Variants in PAX5 observed in about 807,000 individuals in gnomAD.
The protein encoded by PAX5 is paired box protein Pax-5.
A neutral mutation model predicts 43.7 loss-of-function variants in PAX5; 9 were observed. The observed-to-expected ratio is 0.21, with a 90% CI of 0.12 to 0.36. The LOEUF is 0.36. Ranked by LOEUF, PAX5 falls within the 10% of genes least tolerant of loss-of-function variation. The probability of loss-of-function intolerance (pLI) is 1.00; values close to 1 mark genes in which losing one functional copy is unlikely to be tolerated. For missense variants in PAX5, 383 were observed against 532.7 expected (o/e 0.72, Z 2.77); for synonymous variants, 228 against 214.3 (o/e 1.06, Z -0.56).
At chr9:36,864,068 C>T (rs773233361) in intron 8 of PAX5, among the ~76,000 whole-genome samples, 4 of 152,210 alleles carry the variant, frequency 2.6e-5, no homozygotes, top group South Asian at 2.1e-4. Flanking sequence ...GAGATTGCAC[C>T]GCTACATTCC....
At chr9:36,889,947 G>GC (rs1027109430) in intron 7 of PAX5, among the ~76,000 whole-genome samples, 2 of 144,230 alleles carry the variant, frequency 1.4e-5, no homozygotes, top group African/African-American at 5.1e-5. Context: ...CTAACGGGGG[G>GC]GGGGGGAATG....
chr9:36,941,433 C>T (rs978789897), intron 6 of PAX5, among the ~76,000 whole-genome samples: 1 of 152,194 alleles, frequency 6.6e-6, no homozygotes, highest in African/African-American at 2.4e-5. Flanking sequence ...TGAGAGCGTC[C>T]GTCTTGAGGG....
Position 36,851,716 on chromosome 9 carries a change from A to G in PAX5, c.1013-4787T>C, listed in dbSNP as rs7866164. On this transcript the variant is annotated intron_variant, in intron 8 of 9. Coordinates refer to ENST00000358127, the MANE Select transcript of PAX5 (RefSeq NM_016734.3). ...AGGCATGGTGGGGCCAGAGGAGGCAACTGCATGAGCAAAGGCAGGGAGGAG... is the reference window on the plus strand; with the variant it reads ...AGGCATGGTGGGGCCAGAGGAGGCAGCTGCATGAGCAAAGGCAGGGAGGAG... Among the ~76,000 whole-genome samples the G allele has an allele frequency of 4.4e-3, 675 of 152,348 alleles. 6 individuals carry two copies. The highest frequency in any genetic ancestry group is 0.015 in the African/African-American group (633 of 41,578).
At position 36,892,370 on chromosome 9, in the gene PAX5, C is replaced by G. The variant is rs571919870; in HGVS notation, c.911-10265G>C. Among the ~76,000 whole-genome samples the G allele has an allele frequency of 6.6e-5, 10 of 152,312 alleles. No homozygotes were observed. The South Asian group carries it at 2.1e-3, about 32-fold the overall frequency. On this transcript the variant is annotated intron_variant, in intron 7 of 9. Transcript: ENST00000358127. Reference sequence around the variant, plus strand: ...AGATGATAACAGTAACAATAACAACCAAAACAACAGCAACTATCCTTTACA... The same window carrying G: ...AGATGATAACAGTAACAATAACAACGAAAACAACAGCAACTATCCTTTACA...
intron 5 of PAX5, among the ~76,000 whole-genome samples, chr9:36,971,018 T>G (rs4880045): frequency 0.026 from 4,007 of 152,282 alleles, 107 homozygotes; most frequent in East Asian, 0.083. Flanking sequence ...ACTCTGCATG[T>G]CTGTCTGAAA....
chr9:36,964,003 G>A (rs11787948), intron 6 of PAX5, among the ~76,000 whole-genome samples: 29,805 of 152,116 alleles, frequency 0.2, 3,166 homozygotes, highest in Non-Finnish European at 0.22. Flanking sequence ...CTTTCTGGCC[G>A]GGTGCAGTGG....
intron 8 of PAX5, among the ~76,000 whole-genome samples, chr9:36,879,391 G>T (rs1199069286): frequency 6.6e-6 from 1 of 152,200 alleles, no homozygotes; most frequent in African/African-American, 2.4e-5. Flanking sequence ...TCCAGTGGGG[G>T]GCTGAGAGGA....
chr9:36,884,675 C>G lies in PAX5; in HGVS notation c.911-2570G>C, dbSNP rs553192770. Among the ~76,000 whole-genome samples, 9 of 152,298 alleles carry G rather than the reference C, an allele frequency of 5.9e-5. No homozygotes were observed. In the South Asian group the frequency reaches 1.9e-3, roughly 32 times the overall value. ...GACAGAGACATAAGAGGAATAAGCA[C>G]TGGGGGGCAGGGGGAAACCCAAGAT... On this transcript the variant is annotated intron_variant, in intron 7 of 9. Transcript: ENST00000358127.
intron 1 of PAX5, chr9:37,026,644 A>T: frequency 3.0e-6 from 4 of 1,350,574 alleles, no homozygotes; most frequent in Non-Finnish European, 3.9e-6. Context: ...CCCAGGGCGG[A>T]TAGGGAGCCT....
chr9:36,899,979 T>A (rs1828224046), intron 7 of PAX5, among the ~76,000 whole-genome samples: 1 of 152,236 alleles, frequency 6.6e-6, no homozygotes, highest in Non-Finnish European at 1.5e-5. Flanking sequence ...GGGAGATAAC[T>A]GGCTGGAAGA....
chr9:36,848,570 C>T (rs1563886837), intron 8 of PAX5, among the ~76,000 whole-genome samples: 1 of 152,158 alleles, frequency 6.6e-6, no homozygotes, highest in Non-Finnish European at 1.5e-5. Flanking sequence ...GAGCCTCCTC[C>T]TCCTCAGGTG....
intron 6 of PAX5, among the ~76,000 whole-genome samples, chr9:36,956,573 C>T (rs543075814): frequency 3.9e-5 from 6 of 152,180 alleles, no homozygotes; most frequent in East Asian, 1.9e-4. Context: ...GCAATTTGCC[C>T]AGTATTCCCT....
intron 5 of PAX5, among the ~76,000 whole-genome samples, chr9:36,986,347 C>T (rs999240010): frequency 1.2e-4 from 17 of 147,240 alleles, no homozygotes; most frequent in African/African-American, 4.2e-4. Flanking sequence ...CGCTGCGCCC[C>T]GGGCCCCGCC....
intron 7 of PAX5, among the ~76,000 whole-genome samples, chr9:36,907,804 T>C (rs10814471): frequency 0.23 from 35,457 of 152,138 alleles, 4,762 homozygotes; most frequent in East Asian, 0.51. Flanking sequence ...GAAGAACACA[T>C]ACCAAATCGC....
chr9:36,859,005 C>A (rs938399752), intron 8 of PAX5, among the ~76,000 whole-genome samples: 1 of 152,156 alleles, frequency 6.6e-6, no homozygotes, highest in African/African-American at 2.4e-5. Flanking sequence ...TTATGGAATG[C>A]CTCACCAAGT....
At chr9:36,869,875 A>ATGG (rs1825272286) in intron 8 of PAX5, among the ~76,000 whole-genome samples, 1 of 43,002 alleles carries the variant, frequency 2.3e-5, no homozygotes, top group Non-Finnish European at 4.9e-5. Flanking sequence ...TGGATGGATA[A>ATGG]ATGGATGGAT....
At chr9:36,891,969 CTG>C (rs1477652543) in intron 7 of PAX5, among the ~76,000 whole-genome samples, 1 of 152,192 alleles carries the variant, frequency 6.6e-6, no homozygotes, top group African/African-American at 2.4e-5. Context: ...CACTCCAATA[CTG>C]TGTTTCAATT....
intron 7 of PAX5, among the ~76,000 whole-genome samples, chr9:36,896,002 G>A (rs909492852): frequency 1.3e-5 from 2 of 152,050 alleles, no homozygotes; most frequent in East Asian, 1.9e-4. Flanking sequence ...CTGTGCCCTC[G>A]GGCAGGTCCC....
intron 8 of PAX5, among the ~76,000 whole-genome samples, chr9:36,860,535 G>A (rs1824118389): frequency 1.3e-5 from 2 of 152,176 alleles, no homozygotes; most frequent in African/African-American, 2.4e-5. Flanking sequence ...GCATGTTAGA[G>A]GACAAGCCTC....
Sources: allele counts gnomAD v4.1 joint callset (sites outside exome capture counted in the v4.1 genomes callset), GRCh38; gene constraint gnomAD v4.1.1; transcripts MANE v1.5; gene names NCBI Gene and HGNC (gene_info 2026-07-23, HGNC 2026-07-21).